Variants in GALNT13 observed in about 807,000 individuals in gnomAD.
GALNT13 encodes the protein polypeptide N-acetylgalactosaminyltransferase 13.
In GALNT13, 28 loss-of-function variants were observed where a neutral mutation model predicts 64.2. That is an observed-to-expected ratio of 0.44 (90% confidence interval 0.32 to 0.60). The LOEUF is 0.60. Ranked by LOEUF, GALNT13 falls within the 20% of genes least tolerant of loss-of-function variation. The pLI is 0.05. For missense variants in GALNT13, 577 were observed against 669.8 expected, an observed-to-expected ratio of 0.86 and a Z score of 1.53; for synonymous variants, 214 against 224.6, an observed-to-expected ratio of 0.95 and a Z score of 0.42.
At chr2:153,160,210 C>T in the GALNT13 span, among the ~76,000 whole-genome samples, 2 of 152,122 alleles carry the variant, frequency 1.3e-5, no homozygotes, top group African/African-American at 4.8e-5. Flanking sequence ...ACTGCAATGA[C>T]TGTATTTAAT....
chr2:154,023,787 C>T (rs1006838525), intron 3 of GALNT13, among the ~76,000 whole-genome samples: 3 of 152,114 alleles, frequency 2.0e-5, no homozygotes, highest in African/African-American at 7.2e-5. Flanking sequence ...TTCTTCCTAG[C>T]CTTGATGGTC....
intron 3 of GALNT13, among the ~76,000 whole-genome samples, chr2:154,081,079 C>CT (rs1701248759): frequency 6.6e-6 from 1 of 151,316 alleles, no homozygotes; most frequent in Non-Finnish European, 1.5e-5. Context: ...GTTTTATGTC[C>CT]TTACTGCCTG....
At chr2:154,099,830 C>T (rs1182300911) in intron 3 of GALNT13, among the ~76,000 whole-genome samples, 1 of 152,018 alleles carries the variant, frequency 6.6e-6, no homozygotes, top group Non-Finnish European at 1.5e-5. Flanking sequence ...GTCCCAGCTG[C>T]AAGGGGAGCT....
the GALNT13 span, among the ~76,000 whole-genome samples, chr2:153,429,602 C>T: frequency 7.9e-5 from 12 of 151,998 alleles, no homozygotes; most frequent in Admixed American, 2.6e-4. Flanking sequence ...CAAACATCTT[C>T]CGAGAGAAAG....
At chr2:153,102,531 C>G in the GALNT13 span, among the ~76,000 whole-genome samples, 1 of 152,058 alleles carries the variant, frequency 6.6e-6, no homozygotes. Flanking sequence ...ATCACCATTA[C>G]AAAGAACATA....
intron 3 of GALNT13, among the ~76,000 whole-genome samples, chr2:154,089,551 G>A (rs529058882): frequency 6.6e-6 from 1 of 152,084 alleles, no homozygotes; most frequent in Non-Finnish European, 1.5e-5. Context: ...TGGGAATGGG[G>A]GCTGAGAAAC....
the GALNT13 span, among the ~76,000 whole-genome samples, chr2:153,317,736 G>T: frequency 5.9e-3 from 897 of 151,790 alleles, 8 homozygotes; most frequent in African/African-American, 0.021. Context: ...AACTGAGATA[G>T]CATATATTTT....
chr2:153,774,208 C>T, the GALNT13 span, among the ~76,000 whole-genome samples: 1 of 151,916 alleles, frequency 6.6e-6, no homozygotes, highest in Admixed American at 6.6e-5. Context: ...AAATGTAATA[C>T]ATCATAAATA....
At chr2:153,971,122 T>C (rs1693709295) in intron 3 of GALNT13, among the ~76,000 whole-genome samples, 2 of 152,196 alleles carry the variant, frequency 1.3e-5, no homozygotes, top group South Asian at 4.1e-4. Context: ...TTTGTCTTGC[T>C]AACTCTTCTG....
intron 3 of GALNT13, among the ~76,000 whole-genome samples, chr2:154,075,120 A>C (rs1362706554): frequency 6.6e-6 from 1 of 151,836 alleles, no homozygotes; most frequent in African/African-American, 2.4e-5. Flanking sequence ...ATCTCTCTTC[A>C]TGGATGAAAT....
chr2:153,358,007 T>G, the GALNT13 span, among the ~76,000 whole-genome samples: 58 of 152,302 alleles, frequency 3.8e-4, no homozygotes, highest in African/African-American at 1.3e-3. Flanking sequence ...CAAACAGAGA[T>G]GTTAAGGATT....
At chr2:153,370,541 G>T in the GALNT13 span, 1 of 152,144 alleles carries the variant, frequency 6.6e-6, no homozygotes. Context: ...GAATGATATA[G>T]TAGACTTAGT....
chr2:153,846,677 G>C, the GALNT13 span, among the ~76,000 whole-genome samples: 1 of 152,100 alleles, frequency 6.6e-6, no homozygotes, highest in Admixed American at 6.5e-5. Flanking sequence ...TAACTCATGA[G>C]TGAACTTGAC....
chr2:154,300,741 G>C lies in GALNT13; in HGVS notation c.976-668G>C, dbSNP rs190682316. Among the ~76,000 whole-genome samples, 84 of 152,194 alleles carry C rather than the reference G, an allele frequency of 5.5e-4. No homozygotes were observed. The East Asian group carries it at 0.012, about 22-fold the overall frequency. ...ATTCTAGGATACTAAGAAATATATG[G>C]TATATTTTCTAAGAATTTATAGTTT... On this transcript the variant is annotated intron_variant, in intron 8 of 12. Coordinates refer to ENST00000392825, the MANE Select transcript of GALNT13 (RefSeq NM_052917.4).
At chr2:153,111,381 G>A in the GALNT13 span, among the ~76,000 whole-genome samples, 1 of 151,936 alleles carries the variant, frequency 6.6e-6, no homozygotes, top group Non-Finnish European at 1.5e-5. Flanking sequence ...CTTGATTGGA[G>A]ATTCCATATG....
At chr2:154,392,474 T>C (rs1477712392) in intron 9 of GALNT13, among the ~76,000 whole-genome samples, 2 of 152,190 alleles carry the variant, frequency 1.3e-5, no homozygotes, top group Non-Finnish European at 2.9e-5. Flanking sequence ...TATTATCTGG[T>C]TGGTTTCCTG....
the GALNT13 span, among the ~76,000 whole-genome samples, chr2:153,825,652 G>GTGTGTA: frequency 4.8e-5 from 7 of 145,580 alleles, no homozygotes; most frequent in Admixed American, 4.1e-4. Context: ...GTGTGTGTGT[G>GTGTGTA]TATCCACTGA....
At chr2:153,221,378 C>G in the GALNT13 span, among the ~76,000 whole-genome samples, 1 of 152,146 alleles carries the variant, frequency 6.6e-6, no homozygotes, top group African/African-American at 2.4e-5. Context: ...TTTAAACACT[C>G]AGGTTAAAAG....
intron 4 of GALNT13, among the ~76,000 whole-genome samples, chr2:154,205,769 G>T (rs1190096742): frequency 6.6e-6 from 1 of 151,978 alleles, no homozygotes; most frequent in Admixed American, 6.6e-5. Flanking sequence ...ACTATCATGA[G>T]AACAGCACAG....
Sources: allele counts gnomAD v4.1 joint callset (sites outside exome capture counted in the v4.1 genomes callset), GRCh38; gene constraint gnomAD v4.1.1; transcripts MANE v1.5; gene names NCBI Gene and HGNC (gene_info 2026-07-23, HGNC 2026-07-21).